SH3PXD2A: variants seen among roughly 807,000 people sequenced by gnomAD.
SH3PXD2A encodes the protein SH3 and PX domain-containing protein 2A.
A neutral mutation model predicts 115.2 loss-of-function variants in SH3PXD2A; 32 were observed. That is an observed-to-expected ratio of 0.28 (90% confidence interval 0.21 to 0.37). SH3PXD2A has a LOEUF of 0.37. SH3PXD2A is among the 10% of genes least tolerant of loss of function. SH3PXD2A has a pLI of 1.00. For synonymous variants in SH3PXD2A, 610 were observed against 629.1 expected (o/e 0.97, Z 0.45); for missense variants, 1,328 against 1,498.7 (o/e 0.89, Z 1.88).
chr10:103,608,155 A>AAAAAAAAAAAAAAGTTTAC (rs2036359121), intron 13 of SH3PXD2A, among the ~76,000 whole-genome samples: 3 of 144,006 alleles, frequency 2.1e-5, no homozygotes, highest in Non-Finnish European at 3.0e-5. Context: ...CAATTTAAAA[A>AAAAAAAAAAAAAAGTTTAC]AAAAAAAAAA....
chr10:103,815,407 A>G (rs1398982853), intron 1 of SH3PXD2A, among the ~76,000 whole-genome samples: 1 of 148,872 alleles, frequency 6.7e-6, no homozygotes, highest in African/African-American at 2.4e-5. Context: ...ATTATACACT[A>G]TATGTATTTA....
intron 8 of SH3PXD2A, 49 bp downstream of exon 8, chr10:103,660,934 G>C: frequency 1.9e-6 from 3 of 1,598,768 alleles, no homozygotes; most frequent in Non-Finnish European, 2.6e-6. Flanking sequence ...AGCTCGGCCC[G>C]GGGGCCAGAC....
intron 5 of SH3PXD2A, among the ~76,000 whole-genome samples, chr10:103,712,739 G>A (rs773724503): frequency 5.9e-5 from 9 of 152,228 alleles, no homozygotes; most frequent in African/African-American, 2.2e-4. Context: ...CAACCATGGC[G>A]TCCTGATGCA....
rs2036196513 is a variant in SH3PXD2A, at chr10:103,600,264, T to C, written c.*1552A>G. 1.3e-5 allele frequency: 2 copies of C among 152,632 alleles called. No homozygotes were observed. Among genetic ancestry groups the C allele is most frequent in the Admixed American group, 1.3e-4 (2 of 15,286 alleles). The allele number at this position is 152,632 out of a possible 1,614,324, so 9.5% of individuals were successfully genotyped here. A position where few individuals can be genotyped will look rare whatever the true frequency, so the allele number is the denominator to read the frequency against. ...CTTCTGGAGGGTCCCCTCTGAAATG[T>C]CAACAATTGAAAAACACAACCCAAA... is the stretch of plus-strand genomic sequence containing the variant. On this transcript the variant is annotated 3_prime_UTR_variant, in exon 15 of 15. Coordinates refer to ENST00000369774, the MANE Select transcript of SH3PXD2A (RefSeq NM_001394015.1).
chr10:103,725,184 A>C (rs1373973266), intron 4 of SH3PXD2A, among the ~76,000 whole-genome samples: 1 of 152,292 alleles, frequency 6.6e-6, no homozygotes, highest in Middle Eastern at 3.4e-3. Flanking sequence ...AGGTGGAGCG[A>C]TCAAGCATGT....
At chr10:103,615,995 CCTGA>C (rs2036512110) in intron 11 of SH3PXD2A, among the ~76,000 whole-genome samples, 1 of 139,732 alleles carries the variant, frequency 7.2e-6, no homozygotes. Context: ...TCTCAGCCCT[CCTGA>C]CTGATATGCA....
intron 7 of SH3PXD2A, among the ~76,000 whole-genome samples, chr10:103,662,688 C>T (rs893334482): frequency 2.0e-5 from 3 of 151,980 alleles, no homozygotes; most frequent in Admixed American, 6.5e-5. Context: ...CGTGAGCCAC[C>T]GCGCCCGGCC....
At chr10:103,742,307 G>A (rs1244503514) in intron 3 of SH3PXD2A, among the ~76,000 whole-genome samples, 1 of 152,166 alleles carries the variant, frequency 6.6e-6, no homozygotes, top group Non-Finnish European at 1.5e-5. Context: ...TTGGCTCGTG[G>A]CAGCATCACT....
At chr10:103,694,335 C>G (rs956886679) in intron 5 of SH3PXD2A, among the ~76,000 whole-genome samples, 1 of 152,130 alleles carries the variant, frequency 6.6e-6, no homozygotes, top group African/African-American at 2.4e-5. Context: ...AGGCAGCAGG[C>G]TCCCAGGGAA....
intron 4 of SH3PXD2A, among the ~76,000 whole-genome samples, chr10:103,725,678 T>G (rs76593053): frequency 0.029 from 4,396 of 151,840 alleles, 206 homozygotes; most frequent in African/African-American, 0.096. Flanking sequence ...AATACAAAAA[T>G]TAGCCAGTGT....
chr10:103,644,458 G>A (rs765367788), intron 8 of SH3PXD2A, among the ~76,000 whole-genome samples: 5 of 151,706 alleles, frequency 3.3e-5, no homozygotes, highest in South Asian at 2.1e-4. Flanking sequence ...ATAGTGGTAC[G>A]CACCTGTGGT....
chr10:103,771,421 T>C (rs540669209), intron 2 of SH3PXD2A, among the ~76,000 whole-genome samples: 3 of 152,268 alleles, frequency 2.0e-5, no homozygotes, highest in South Asian at 4.1e-4. Flanking sequence ...GCCTTCTCCA[T>C]GTCAGGCTCT....
Position 103,666,647 on chromosome 10 carries a change from C to T in SH3PXD2A, c.472+1961G>A, listed in dbSNP as rs925706075. ...TAGCTCTGAGATCCTGGGGAGGACA[C>T]GTAACCTCTCTTGAGCTTTAGTGTC... On this transcript the variant is annotated intron_variant, in intron 7 of 14. Coordinates refer to ENST00000369774, the MANE Select transcript of SH3PXD2A (RefSeq NM_001394015.1). This position sits in a 1 kb window ranked among gnomAD's most constrained non-coding sequence, Gnocchi z 4.5. Among the ~76,000 whole-genome samples the T allele has an allele frequency of 1.3e-5, 2 of 152,200 alleles. No individual in the cohort carries two copies. The highest frequency in any genetic ancestry group is 2.9e-5 in the Non-Finnish European group (2 of 68,040).
In SH3PXD2A at chr10:103,784,925, G is replaced by A. The variant is rs968696474; in HGVS notation, c.153+16357C>T. ...GCAGCCTACTAGGCGTGTCTGCTTA[G>A]ACGGGTAACCAGTCTGCAGGTCAGC... On this transcript the variant is annotated intron_variant, in intron 2 of 14. Coordinates refer to ENST00000369774, the MANE Select transcript of SH3PXD2A (RefSeq NM_001394015.1). The surrounding 1 kb of genome is among the most constrained non-coding windows in gnomAD (Gnocchi z 4.4). Among the ~76,000 whole-genome samples the A allele has an allele frequency of 1.3e-5, 2 of 152,174 alleles. No individual in the cohort carries two copies. The highest frequency in any genetic ancestry group is 4.8e-5 in the African/African-American group (2 of 41,434).
At chr10:103,773,290 A>G (rs1394831333) in intron 2 of SH3PXD2A, among the ~76,000 whole-genome samples, 1 of 151,670 alleles carries the variant, frequency 6.6e-6, no homozygotes, top group Admixed American at 6.6e-5. Flanking sequence ...ACCATGCAAG[A>G]TTGCGGGAAA....
chr10:103,603,938 C>A, intron 14 of SH3PXD2A, 149 bp from the exon 15 acceptor site: 1 of 860,252 alleles, frequency 1.2e-6, no homozygotes, highest in Non-Finnish European at 1.7e-6. Context: ...GGCCCAAAAC[C>A]CAATATAGTA....
intron 10 of SH3PXD2A, among the ~76,000 whole-genome samples, chr10:103,618,140 A>C (rs1277177631): frequency 6.6e-6 from 1 of 152,174 alleles, no homozygotes; most frequent in Non-Finnish European, 1.5e-5. Flanking sequence ...GTCTTGCCCA[A>C]GGTCCTCCCG....
intron 2 of SH3PXD2A, among the ~76,000 whole-genome samples, chr10:103,800,640 A>C (rs1276170486): frequency 6.6e-6 from 1 of 152,096 alleles, no homozygotes. Flanking sequence ...CAATTGTAAA[A>C]CTATCACTTG....
At chr10:103,672,226 A>G (rs1202654037) in intron 6 of SH3PXD2A, among the ~76,000 whole-genome samples, 1 of 152,236 alleles carries the variant, frequency 6.6e-6, no homozygotes, top group Admixed American at 6.5e-5. Flanking sequence ...CAGAAGGTGC[A>G]GTGAACCAAG....
Sources: gnomAD v4.1 joint callset for allele counts (sites outside exome capture counted in the v4.1 genomes callset) on GRCh38, gnomAD v4.1.1 for gene constraint, Gnocchi (gnomAD v3.1) non-coding constraint, MANE v1.5 for transcripts, NCBI Gene and HGNC (gene_info 2026-07-23, HGNC 2026-07-21) for gene names.